The following CCDC30 variants were observed in gnomAD, a reference collection of about 807,000 sequenced individuals.
The protein encoded by CCDC30 is coiled-coil domain-containing protein 30.
In CCDC30, 70 loss-of-function variants were observed where a neutral mutation model predicts 100.2. The observed-to-expected ratio is 0.70, with a 90% CI of 0.58 to 0.85. The LOEUF (loss-of-function observed/expected upper bound fraction) is 0.85. Among genes scored for constraint, CCDC30 ranks in the 40% least tolerant of loss-of-function variants. The probability of loss-of-function intolerance (pLI) is 0.00; values close to 1 mark genes in which losing one functional copy is unlikely to be tolerated. For missense variants in CCDC30, 652 were observed against 771.2 expected, an observed-to-expected ratio of 0.85 and a Z score of 1.83; for synonymous variants, 233 against 269.5, an observed-to-expected ratio of 0.86 and a Z score of 1.33.
At chr1:42,504,855 A>G (rs1644372101) in intron 6 of CCDC30, among the ~76,000 whole-genome samples, 1 of 152,192 alleles carries the variant, frequency 6.6e-6, no homozygotes, top group Admixed American at 6.5e-5. Flanking sequence ...TTCTTATATA[A>G]AATCTATTTT....
intron 6 of CCDC30, among the ~76,000 whole-genome samples, chr1:42,534,272 A>G (rs1329700045): frequency 6.6e-6 from 1 of 151,914 alleles, no homozygotes; most frequent in Non-Finnish European, 1.5e-5. Context: ...CTTTGTACTG[A>G]AGCATCTCAG....
chr1:42,623,320 C>G (rs1318545711), intron 11 of CCDC30, among the ~76,000 whole-genome samples: 1 of 152,142 alleles, frequency 6.6e-6, no homozygotes, highest in Non-Finnish European at 1.5e-5. Context: ...AGACCAATAT[C>G]CTGGAGAATT....
chr1:42,520,948 C>A (rs1274224091), intron 6 of CCDC30, among the ~76,000 whole-genome samples: 1 of 147,426 alleles, frequency 6.8e-6, no homozygotes, highest in Non-Finnish European at 1.5e-5. Context: ...CACCCAGCCC[C>A]CAGCCTCATC....
At chr1:42,562,881 A>G (rs1645522578) in intron 6 of CCDC30, among the ~76,000 whole-genome samples, 1 of 152,238 alleles carries the variant, frequency 6.6e-6, no homozygotes, top group African/African-American at 2.4e-5. Context: ...CATCAGAGAA[A>G]TGCAAATCAA....
intron 6 of CCDC30, among the ~76,000 whole-genome samples, chr1:42,553,814 A>AT (rs1030381372): frequency 1.2e-4 from 19 of 152,270 alleles, no homozygotes; most frequent in Non-Finnish European, 2.2e-4. Context: ...TTTTAAAGGC[A>AT]TTTTACCCTT....
intron 6 of CCDC30, among the ~76,000 whole-genome samples, chr1:42,563,769 C>G (rs1204371624): frequency 1.3e-5 from 2 of 151,784 alleles, no homozygotes; most frequent in Non-Finnish European, 2.9e-5. Flanking sequence ...CCCAGCTACT[C>G]AAGAGGCTGA....
intron 1 of CCDC30, among the ~76,000 whole-genome samples, chr1:42,470,618 T>G (rs1643739005): frequency 2.0e-5 from 3 of 152,218 alleles, no homozygotes; most frequent in Admixed American, 2.0e-4. Context: ...CAATGGAATA[T>G]TATTCAATCT....
chr1:42,644,368 C>G (rs1474301936), intron 13 of CCDC30, among the ~76,000 whole-genome samples: 1 of 152,122 alleles, frequency 6.6e-6, no homozygotes, highest in African/African-American at 2.4e-5. Flanking sequence ...TTTATATTCA[C>G]TGGAAGCTGA....
chr1:42,549,920 T>C (rs1645215765), intron 6 of CCDC30, among the ~76,000 whole-genome samples: 1 of 152,224 alleles, frequency 6.6e-6, no homozygotes, highest in African/African-American at 2.4e-5. Flanking sequence ...ATTCACTATT[T>C]CATTGCATCG....
intron 6 of CCDC30, among the ~76,000 whole-genome samples, chr1:42,548,470 T>A (rs1319284457): frequency 6.6e-6 from 1 of 152,070 alleles, no homozygotes; most frequent in South Asian, 2.1e-4. Flanking sequence ...AAACTCTATA[T>A]TGGATTTGGA....
At chr1:42,496,085 T>A (rs1050983966) in intron 4 of CCDC30, among the ~76,000 whole-genome samples, 2 of 151,752 alleles carry the variant, frequency 1.3e-5, no homozygotes, top group African/African-American at 4.8e-5. Flanking sequence ...TAGAGTAAGA[T>A]GTGTGGTATA....
At chr1:42,640,642 C>T (rs1032506746) in intron 12 of CCDC30, among the ~76,000 whole-genome samples, 3 of 151,990 alleles carry the variant, frequency 2.0e-5, no homozygotes, top group Non-Finnish European at 2.9e-5. Context: ...GCCTGTAATT[C>T]TAGCACTTTG....
At chr1:42,621,978 TA>T (rs1477404582) in intron 11 of CCDC30, among the ~76,000 whole-genome samples, 1 of 152,124 alleles carries the variant, frequency 6.6e-6, no homozygotes, top group African/African-American at 2.4e-5. Flanking sequence ...ATGTACAATC[TA>T]AAAAAATGTA....
intron 6 of CCDC30, among the ~76,000 whole-genome samples, chr1:42,558,811 T>C (rs901507431): frequency 6.6e-5 from 10 of 151,998 alleles, no homozygotes; most frequent in Non-Finnish European, 1.2e-4. Context: ...ATTAAGATAC[T>C]CCATGAGAAG....
intron 11 of CCDC30, among the ~76,000 whole-genome samples, chr1:42,619,208 G>A (rs1201054192): frequency 1.3e-5 from 2 of 152,112 alleles, no homozygotes; most frequent in African/African-American, 2.4e-5. Flanking sequence ...TGTTCAGTTT[G>A]GTATCTGGCT....
chr1:42,619,492 C>T (rs1370537959), intron 11 of CCDC30, among the ~76,000 whole-genome samples: 1 of 152,100 alleles, frequency 6.6e-6, no homozygotes, highest in Non-Finnish European at 1.5e-5. Context: ...TTACCCCAGT[C>T]TCCAATGAGG....
intron 10 of CCDC30, among the ~76,000 whole-genome samples, chr1:42,602,677 G>C (rs916904307): frequency 3.9e-5 from 6 of 152,114 alleles, no homozygotes; most frequent in African/African-American, 1.4e-4. Context: ...AAAGCACCAG[G>C]CCCAGATGGT....
intron 6 of CCDC30, among the ~76,000 whole-genome samples, chr1:42,543,653 G>C (rs1645063007): frequency 6.6e-6 from 1 of 152,038 alleles, no homozygotes; most frequent in African/African-American, 2.4e-5. Flanking sequence ...TTCTATGTCA[G>C]TGCCTTTGGC....
rs1364618924 is a variant in CCDC30 at position 42,544,605 on chromosome 1, C to T, written c.457-21691C>T. Among the ~76,000 whole-genome samples the T allele has an allele frequency of 2.0e-5, 3 of 152,288 alleles. No individual in the cohort carries two copies. In the East Asian group the frequency reaches 5.8e-4, roughly 29 times the overall value. On this transcript the variant is annotated intron_variant, in intron 6 of 16. Transcript: ENST00000668663. ...TCTCGGCTCATTGCAATCTCCACCTCCCAGGCTCAAGCCATTTTTCCATCT... is the reference window on the plus strand; with the variant it reads ...TCTCGGCTCATTGCAATCTCCACCTTCCAGGCTCAAGCCATTTTTCCATCT...
Sources: gnomAD v4.1 joint callset for allele counts (sites outside exome capture counted in the v4.1 genomes callset) on GRCh38, gnomAD v4.1.1 for gene constraint, MANE v1.5 for transcripts, NCBI Gene and HGNC (gene_info 2026-07-23, HGNC 2026-07-21) for gene names.